The following RBFOX1 variants were observed in gnomAD, a reference collection of about 807,000 sequenced individuals.
The protein encoded by RBFOX1 is RNA binding fox-1 homolog 1, also known as RNA binding protein fox-1 homolog 1.
RBFOX1 carries 8 observed loss-of-function variants against 57.7 expected under a neutral mutation model. That is an observed-to-expected ratio of 0.14 (90% CI 0.08 to 0.25). RBFOX1 has a LOEUF of 0.25. Ranked by LOEUF, RBFOX1 falls within the 10% of genes least tolerant of loss-of-function variation. RBFOX1 has a pLI of 1.00. For missense variants in RBFOX1, 611 were observed against 548.5 expected, an observed-to-expected ratio of 1.11 and a Z score of -1.14; for synonymous variants, 326 against 222.4, an observed-to-expected ratio of 1.47 and a Z score of -4.15.
In RBFOX1 at chr16:7,497,254, A is replaced by G. The variant is rs1013992321; in HGVS notation, c.28-20893A>G. Among the ~76,000 whole-genome samples, 2 of 152,076 alleles carry G rather than the reference A, an allele frequency of 1.3e-5. 1 individual carries two copies. ...CCCCAGTTCCTGCTAAATCTTCACC[A>G]CACCTATACTCCAGCCATATTATCC... is the stretch of plus-strand genomic sequence containing the variant. On this transcript the variant is annotated intron_variant, in intron 4 of 15. Coordinates refer to ENST00000550418, the MANE Select transcript of RBFOX1 (RefSeq NM_018723.4).
chr16:7,597,972 T>C (rs1276808054), intron 9 of RBFOX1, among the ~76,000 whole-genome samples: 1 of 152,182 alleles, frequency 6.6e-6, no homozygotes, highest in Admixed American at 6.5e-5. Flanking sequence ...TTGGGCTAGT[T>C]GAGAATGTTG....
intron 4 of RBFOX1, among the ~76,000 whole-genome samples, chr16:7,283,371 C>T (rs1003163193): frequency 1.3e-5 from 2 of 151,988 alleles, no homozygotes; most frequent in Non-Finnish European, 2.9e-5. Flanking sequence ...TCTCATTGAA[C>T]CAGCATGGAT....
At chr16:7,606,080 G>T (rs1351766806) in intron 9 of RBFOX1, among the ~76,000 whole-genome samples, 1 of 151,086 alleles carries the variant, frequency 6.6e-6, no homozygotes, top group African/African-American at 2.4e-5. Flanking sequence ...CAAAGTGGTA[G>T]GATTACAGGC....
chr16:6,312,649 C>G (rs1054076903), intron 1 of RBFOX1, among the ~76,000 whole-genome samples: 5 of 135,456 alleles, frequency 3.7e-5, no homozygotes, highest in African/African-American at 1.4e-4. Context: ...CCGATAGTTC[C>G]TTCTTTCCTT....
intron 3 of RBFOX1, among the ~76,000 whole-genome samples, chr16:5,631,702 C>A (rs547668133): frequency 6.6e-6 from 1 of 152,246 alleles, no homozygotes; most frequent in East Asian, 1.9e-4. Flanking sequence ...CTTCCCCTAC[C>A]CTCATTTTTT....
chr16:5,439,032 TGGG>T (rs5815250), intron 1 of RBFOX1, among the ~76,000 whole-genome samples: 8 of 133,104 alleles, frequency 6.0e-5, no homozygotes, highest in African/African-American at 2.0e-4. Flanking sequence ...TAGAGAATAA[TGGG>T]GGGGGGGGCA....
chr16:6,584,164 C>T (rs2097574049), intron 2 of RBFOX1, among the ~76,000 whole-genome samples: 1 of 151,726 alleles, frequency 6.6e-6, no homozygotes, highest in Middle Eastern at 3.4e-3. Flanking sequence ...AAGCATTGTC[C>T]CTGCTGTAAT....
At chr16:7,574,535 C>A (rs562592153) in intron 5 of RBFOX1, among the ~76,000 whole-genome samples, 2 of 152,014 alleles carry the variant, frequency 1.3e-5, no homozygotes, top group Non-Finnish European at 2.9e-5. Flanking sequence ...ACTTGGAGTC[C>A]CATGTTCGAG....
At chr16:7,144,689 G>C (rs2074573939) in intron 4 of RBFOX1, among the ~76,000 whole-genome samples, 2 of 152,014 alleles carry the variant, frequency 1.3e-5, no homozygotes, top group Non-Finnish European at 2.9e-5. Flanking sequence ...TCACTCTGCA[G>C]AGCAGCTTCC....
chr16:7,640,904 T>TAA (rs112548606), intron 11 of RBFOX1, among the ~76,000 whole-genome samples: 111,584 of 147,108 alleles, frequency 0.76, 43,503 homozygotes, highest in East Asian at 0.92. Flanking sequence ...GGATTTACAT[T>TAA]AAAAAAAAAA....
intron 1 of RBFOX1, among the ~76,000 whole-genome samples, chr16:5,371,781 TTGCACCTTGGCCCTGGG>T (rs1477600512): frequency 6.9e-4 from 105 of 152,176 alleles, no homozygotes; most frequent in Non-Finnish European, 3.7e-4. Context: ...TGGCCCTGGG[TTGCACCTTGGCCCTGGG>T]CTGCAGATAC....
intron 3 of RBFOX1, among the ~76,000 whole-genome samples, chr16:6,724,730 TTAA>T (rs2066784268): frequency 6.6e-6 from 1 of 152,196 alleles, no homozygotes; most frequent in Non-Finnish European, 1.5e-5. Flanking sequence ...ACTTTTTTTT[TTAA>T]TTTTAATTTT....
At chr16:7,133,690 T>C (rs546931059) in intron 4 of RBFOX1, among the ~76,000 whole-genome samples, 1 of 152,348 alleles carries the variant, frequency 6.6e-6, no homozygotes, top group African/African-American at 2.4e-5. Context: ...TAATTGTTTA[T>C]TTAATAAGTG....
At chr16:5,370,303 G>C (rs525306) in intron 1 of RBFOX1, among the ~76,000 whole-genome samples, 11 of 151,818 alleles carry the variant, frequency 7.2e-5, no homozygotes, top group Non-Finnish European at 1.2e-4. Flanking sequence ...GATCTAGACG[G>C]CATCTCCATG....
intron 2 of RBFOX1, among the ~76,000 whole-genome samples, chr16:6,551,977 C>G (rs2153879566): frequency 6.6e-6 from 1 of 152,332 alleles, no homozygotes; most frequent in South Asian, 2.1e-4. Context: ...ATCTTCTAGT[C>G]ATATCCCATT....
intron 1 of RBFOX1, among the ~76,000 whole-genome samples, chr16:6,240,070 A>C (rs577968871): frequency 2.8e-4 from 42 of 152,094 alleles, no homozygotes; most frequent in Middle Eastern, 3.4e-3. Context: ...TGGTCATTTA[A>C]ACGCATCTCG....
At chr16:6,966,217 C>G (rs530692513) in intron 3 of RBFOX1, among the ~76,000 whole-genome samples, 1 of 152,086 alleles carries the variant, frequency 6.6e-6, no homozygotes, top group Non-Finnish European at 1.5e-5. Context: ...CTCTCTGTCC[C>G]AGCTTCTCAC....
At chr16:7,381,836 G>A (rs565384333) in intron 4 of RBFOX1, among the ~76,000 whole-genome samples, 3 of 152,224 alleles carry the variant, frequency 2.0e-5, no homozygotes, top group Admixed American at 1.3e-4. Flanking sequence ...TCTATGTGGG[G>A]ACTGCTGAGT....
chr16:7,182,272 T>A (rs1308126776), intron 4 of RBFOX1, among the ~76,000 whole-genome samples: 1 of 152,110 alleles, frequency 6.6e-6, no homozygotes, highest in Non-Finnish European at 1.5e-5. Context: ...GTGATGCTCC[T>A]CTATAGGGAT....
Sources: gnomAD v4.1 joint callset for allele counts (sites outside exome capture counted in the v4.1 genomes callset) on GRCh38, gnomAD v4.1.1 for gene constraint, MANE v1.5 for transcripts, NCBI Gene and HGNC (gene_info 2026-07-23, HGNC 2026-07-21) for gene names.